SEMA3A: variants seen among roughly 807,000 people sequenced by gnomAD.
The protein encoded by SEMA3A is semaphorin-3A.
Under a neutral mutation model 97.9 loss-of-function variants are expected in SEMA3A, and 29 were observed. The observed-to-expected ratio is 0.30, with a 90% CI of 0.22 to 0.40. The LOEUF is 0.40. Ranked by LOEUF, SEMA3A falls within the 10% of genes least tolerant of loss-of-function variation. SEMA3A has a pLI of 1.00. For missense variants in SEMA3A, 763 were observed against 951.3 expected (o/e 0.80, Z 2.60); for synonymous variants, 321 against 323.7 (o/e 0.99, Z 0.09).
rs115736778 is a variant in SEMA3A at position 84,371,023 on chromosome 7, T to A, written c.-169+801A>T. Among the ~76,000 whole-genome samples, 558 of 151,464 alleles carry A rather than the reference T, an allele frequency of 3.7e-3. 6 individuals carry two copies. Among genetic ancestry groups the A allele is most frequent in the African/African-American group, 0.013 (547 of 41,428 alleles). On this transcript the variant is annotated intron_variant, in intron 2 of 3. Transcript: ENST00000424555. ...GAGAGGGAGGAGGTAAATAGGTAGG[T>A]ATATAGATAGGTAATATGTATATCT...
chr7:84,350,742 T>C (rs1562914564), intron 2 of SEMA3A, among the ~76,000 whole-genome samples: 2 of 152,200 alleles, frequency 1.3e-5, no homozygotes, highest in Non-Finnish European at 2.9e-5. Context: ...AGCACAACTG[T>C]CTCAACAAAC....
intron 3 of SEMA3A, among the ~76,000 whole-genome samples, chr7:84,213,730 A>G (rs949049172): frequency 2.0e-5 from 3 of 152,162 alleles, no homozygotes; most frequent in Non-Finnish European, 4.4e-5. Flanking sequence ...CATATATTTA[A>G]TTCCAAGAAA....
intron 4 of SEMA3A, among the ~76,000 whole-genome samples, chr7:84,062,837 G>C (rs9690948): frequency 1.3e-5 from 2 of 149,060 alleles, no homozygotes; most frequent in Non-Finnish European, 3.0e-5. Flanking sequence ...GCAGCGAGGC[G>C]GGGGGAGGGG....
At chr7:84,097,267 A>G (rs2115880473) in intron 4 of SEMA3A, among the ~76,000 whole-genome samples, 1 of 152,262 alleles carries the variant, frequency 6.6e-6, no homozygotes, top group Middle Eastern at 3.4e-3. Context: ...AAAAATACAG[A>G]CTTTTAAGCC....
At chr7:83,989,868 T>C (rs1322352886) in intron 12 of SEMA3A, among the ~76,000 whole-genome samples, 1 of 150,966 alleles carries the variant, frequency 6.6e-6, no homozygotes, top group African/African-American at 2.4e-5. Flanking sequence ...GTATTTCCAG[T>C]TCTAGATCCC....
chr7:84,248,775 G>A (rs187086485), intron 3 of SEMA3A, among the ~76,000 whole-genome samples: 2 of 143,590 alleles, frequency 1.4e-5, no homozygotes, highest in African/African-American at 2.5e-5. Context: ...TTAAAATTAC[G>A]CAGTAAGTTT....
At chr7:84,053,080 G>C (rs1792759554) in intron 5 of SEMA3A, among the ~76,000 whole-genome samples, 1 of 145,902 alleles carries the variant, frequency 6.9e-6, no homozygotes, top group Non-Finnish European at 1.5e-5. Flanking sequence ...CTGAGAGATA[G>C]TTTGTTATAA....
chr7:83,998,693 C>G (rs1386339882), intron 12 of SEMA3A, among the ~76,000 whole-genome samples: 1 of 151,770 alleles, frequency 6.6e-6, no homozygotes, highest in Non-Finnish European at 1.5e-5. Context: ...AAACATTTAG[C>G]TTAAAACACA....
intron 1 of SEMA3A, among the ~76,000 whole-genome samples, chr7:84,480,067 T>TA (rs1175012765): frequency 2.0e-5 from 3 of 152,246 alleles, no homozygotes; most frequent in African/African-American, 7.2e-5. Context: ...ACAACATGAT[T>TA]AATTAGATAA....
intron 13 of SEMA3A, among the ~76,000 whole-genome samples, chr7:83,983,968 G>A (rs1447426376): frequency 1.3e-5 from 2 of 152,028 alleles, no homozygotes; most frequent in Non-Finnish European, 2.9e-5. Flanking sequence ...ATATCTGAAC[G>A]AAATCAAATC....
chr7:84,203,876 G>C (rs1408904800), intron 3 of SEMA3A, among the ~76,000 whole-genome samples: 8 of 151,982 alleles, frequency 5.3e-5, no homozygotes, highest in Admixed American at 4.6e-4. Context: ...TTTATGTTAA[G>C]CATGTATTGG....
At position 84,363,742 on chromosome 7, in the gene SEMA3A, C is replaced by T. The variant is rs544538865; in HGVS notation, c.-169+8082G>A. Among the ~76,000 whole-genome samples the T allele has an allele frequency of 2.1e-4, 32 of 152,002 alleles. No homozygotes were observed. In the South Asian group the frequency reaches 6.6e-3, roughly 31 times the overall value. Reference sequence around the variant, plus strand: ...TTTGTGATATTGTTATCAATTCCAGCTCCCTGTATAGTCCTGATTGGTCTA... The same window carrying T: ...TTTGTGATATTGTTATCAATTCCAGTTCCCTGTATAGTCCTGATTGGTCTA... On this transcript the variant is annotated intron_variant, in intron 2 of 3. Transcript: ENST00000424555.
Position 84,110,557 on chromosome 7 carries a change from C to G in SEMA3A, c.366G>C (p.Lys122Asn), listed in dbSNP as rs754669205. 1 of 1,613,868 alleles carries G rather than the reference C, an allele frequency of 6.2e-7. No individual in the cohort carries two copies. The highest frequency in any genetic ancestry group is 1.7e-5 in the Admixed American group (1 of 59,996). The change falls in exon 4 of 17, where the codon AAG becomes AAC. Residue 122 changes from lysine to asparagine, a missense_variant. Coordinates refer to ENST00000265362, the MANE Select transcript of SEMA3A (RefSeq NM_006080.3). ...CGTACAAGTGAGTCTGATTATATGC[C>G]TTAAGTACCTTGATGAAATTAGCAC... ...KECANFIKVL[K>N]AYNQTHLYAC... is the part of the protein sequence containing the mutation.
At chr7:84,445,335 A>G (rs368301817) in intron 1 of SEMA3A, among the ~76,000 whole-genome samples, 35 of 151,376 alleles carry the variant, frequency 2.3e-4, no homozygotes, top group African/African-American at 8.2e-4. Flanking sequence ...ACTAAAAAAT[A>G]CAACAAAAAT....
intron 1 of SEMA3A, among the ~76,000 whole-genome samples, chr7:84,380,292 C>T (rs1032189220): frequency 6.6e-6 from 1 of 152,106 alleles, no homozygotes; most frequent in Non-Finnish European, 1.5e-5. Context: ...CCCAGGTGTA[C>T]TGGAAAACTC....
chr7:84,429,547 T>TATATAGAG (rs1443588588), intron 1 of SEMA3A, among the ~76,000 whole-genome samples: 1 of 115,948 alleles, frequency 8.6e-6, no homozygotes, highest in Admixed American at 1.0e-4. Context: ...TATATATATA[T>TATATAGAG]AGCGAGAGAG....
chr7:84,415,701 A>G (rs537348677), intron 1 of SEMA3A, among the ~76,000 whole-genome samples: 2 of 152,038 alleles, frequency 1.3e-5, no homozygotes, highest in Non-Finnish European at 2.9e-5. Context: ...CAATAATGAA[A>G]TATGTAGCAT....
intron 2 of SEMA3A, among the ~76,000 whole-genome samples, chr7:84,322,000 C>T (rs1009245844): frequency 1.3e-5 from 2 of 149,824 alleles, no homozygotes; most frequent in African/African-American, 4.9e-5. Context: ...GGGGAGGACT[C>T]GGAAAACTTA....
chr7:84,250,862 T>A (rs972107726), intron 3 of SEMA3A, among the ~76,000 whole-genome samples: 2 of 152,342 alleles, frequency 1.3e-5, no homozygotes, highest in African/African-American at 4.8e-5. Flanking sequence ...AAAAAATCTA[T>A]TAGGCCTCAA....
Sources: allele counts gnomAD v4.1 joint callset (sites outside exome capture counted in the v4.1 genomes callset), GRCh38; gene constraint gnomAD v4.1.1; transcripts MANE v1.5; gene names NCBI Gene and HGNC (gene_info 2026-07-23, HGNC 2026-07-21).